ATP8A2: variants seen among roughly 807,000 people sequenced by gnomAD.
The protein encoded by ATP8A2 is phospholipid-transporting ATPase IB.
In ATP8A2, 100 loss-of-function variants were observed where a neutral mutation model predicts 165.6. That is an observed-to-expected ratio of 0.60 (90% CI 0.51 to 0.71). The LOEUF (loss-of-function observed/expected upper bound fraction) is 0.71. Among genes scored for constraint, ATP8A2 ranks in the 30% least tolerant of loss-of-function variants. The pLI is 0.00. For synonymous variants in ATP8A2, 543 were observed against 548.8 expected, an observed-to-expected ratio of 0.99 and a Z score of 0.15; for missense variants, 1,227 against 1,479.5, an observed-to-expected ratio of 0.83 and a Z score of 2.80.
chr13:25,753,930 T>C (rs2044207232), intron 25 of ATP8A2, among the ~76,000 whole-genome samples: 1 of 152,252 alleles, frequency 6.6e-6, no homozygotes, highest in South Asian at 2.1e-4. Flanking sequence ...TGTATGCTTT[T>C]CCTCTCCTTC....
intron 25 of ATP8A2, among the ~76,000 whole-genome samples, chr13:25,753,585 G>A (rs932590626): frequency 6.6e-6 from 1 of 152,178 alleles, no homozygotes; most frequent in Non-Finnish European, 1.5e-5. Context: ...CAGCAAACAT[G>A]GTGCTGGTAT....
chr13:25,790,537 G>A (rs1485825256), intron 27 of ATP8A2, among the ~76,000 whole-genome samples: 5 of 132,870 alleles, frequency 3.8e-5, no homozygotes, highest in African/African-American at 1.4e-4. Flanking sequence ...AAAAAAAAAA[G>A]TCCAAAAATT....
chr13:25,426,877 CAG>C lies in ATP8A2; in HGVS notation c.77-42097_77-42096del, dbSNP rs199874803. ...AGGAGAATCGACTGAATCTGGGAGG[CAG>C]AGGTTGCAATGAGCTGAGATCACTC... On this transcript the variant is annotated intron_variant, in intron 1 of 36. Transcript: ENST00000381655. 8.4e-3 allele frequency among the ~76,000 whole-genome samples: 1,283 copies of C among 152,226 alleles called. 20 individuals are homozygous for C. The highest frequency in any genetic ancestry group is 0.029 in the African/African-American group (1,188 of 41,530).
At chr13:25,566,270 G>C (rs1460674549) in intron 16 of ATP8A2, among the ~76,000 whole-genome samples, 1 of 150,612 alleles carries the variant, frequency 6.6e-6, no homozygotes, top group Non-Finnish European at 1.5e-5. Flanking sequence ...TTCAGTCACA[G>C]ACAGCTACAG....
At chr13:25,645,816 ACTTGT>A (rs997103949) in intron 24 of ATP8A2, among the ~76,000 whole-genome samples, 1 of 151,626 alleles carries the variant, frequency 6.6e-6, no homozygotes, top group Non-Finnish European at 1.5e-5. Context: ...ATTTTCTAAG[ACTTGT>A]CTTGTGGCCT....
chr13:25,808,677 C>T (rs889746172), intron 27 of ATP8A2, among the ~76,000 whole-genome samples: 1 of 151,956 alleles, frequency 6.6e-6, no homozygotes, highest in South Asian at 2.1e-4. Flanking sequence ...TGGGCTCAAC[C>T]TCCCACCTCA....
chr13:25,679,289 T>C (rs2042434508), intron 24 of ATP8A2, among the ~76,000 whole-genome samples: 1 of 152,272 alleles, frequency 6.6e-6, no homozygotes. Context: ...TAAAAAATGG[T>C]AACAGGACAT....
intron 24 of ATP8A2, among the ~76,000 whole-genome samples, chr13:25,642,908 TTGTA>T (rs2041569339): frequency 6.6e-6 from 1 of 152,186 alleles, no homozygotes; most frequent in African/African-American, 2.4e-5. Context: ...TTCATGTCCT[TTGTA>T]GGGACATGGA....
intron 2 of ATP8A2, among the ~76,000 whole-genome samples, chr13:25,524,235 T>C (rs991183241): frequency 6.6e-6 from 1 of 152,222 alleles, no homozygotes; most frequent in Non-Finnish European, 1.5e-5. Flanking sequence ...GTTGATATGA[T>C]TTCTAACTTT....
At chr13:25,985,132 C>A (rs1334112720) in intron 35 of ATP8A2, among the ~76,000 whole-genome samples, 1 of 152,136 alleles carries the variant, frequency 6.6e-6, no homozygotes, top group South Asian at 2.1e-4. Context: ...ACTGCTAATG[C>A]GGAGAACGTG....
chr13:25,943,314 T>C (rs568364069), intron 33 of ATP8A2, among the ~76,000 whole-genome samples: 71 of 152,316 alleles, frequency 4.7e-4, no homozygotes, highest in African/African-American at 1.6e-3. Flanking sequence ...ATGATTCTAG[T>C]CATGCACGAT....
chr13:25,961,751 G>A (rs1347235530), intron 34 of ATP8A2, 88 bp downstream of exon 34: 9 of 1,009,630 alleles, frequency 8.9e-6, no homozygotes, highest in Non-Finnish European at 1.4e-5. Context: ...CAGGGTATGA[G>A]AATGACAGGA....
intron 1 of ATP8A2, among the ~76,000 whole-genome samples, chr13:25,420,426 A>T (rs2034266583): frequency 2.0e-5 from 3 of 152,242 alleles, no homozygotes; most frequent in African/African-American, 7.2e-5. Context: ...CTCCCTGGTT[A>T]GCATTTTAAA....
intron 24 of ATP8A2, among the ~76,000 whole-genome samples, chr13:25,601,332 T>C (rs2040380135): frequency 6.6e-6 from 1 of 152,262 alleles, no homozygotes; most frequent in African/African-American, 2.4e-5. Flanking sequence ...ATAATATGCA[T>C]AGGCATAATG....
At chr13:25,736,671 T>C (rs2043776658) in intron 25 of ATP8A2, among the ~76,000 whole-genome samples, 1 of 152,164 alleles carries the variant, frequency 6.6e-6, no homozygotes, top group Admixed American at 6.5e-5. Context: ...GGACAGTACA[T>C]GAATGAATGA....
chr13:25,734,740 G>A (rs190894879), intron 25 of ATP8A2, among the ~76,000 whole-genome samples: 3 of 152,318 alleles, frequency 2.0e-5, no homozygotes, highest in Admixed American at 6.5e-5. Context: ...CCAGATTCAA[G>A]CGATTCTCCT....
rs550765034 is a variant in ATP8A2 at position 25,902,237 on chromosome 13, T to G, written c.3183+39829T>G. ...AAATGCAATTCCGGTCAGAAGACAT[T>G]GTCTACTTCGGAGTGATATGCTTAT... On this transcript the variant is annotated intron_variant, in intron 33 of 36. Transcript: ENST00000381655. Among the ~76,000 whole-genome samples the G allele has an allele frequency of 5.0e-4, 76 of 152,324 alleles. 1 individual carries two copies. The highest frequency in any genetic ancestry group is 1.7e-3 in the African/African-American group (71 of 41,572).
intron 25 of ATP8A2, among the ~76,000 whole-genome samples, chr13:25,764,939 G>T (rs2044460268): frequency 6.6e-6 from 1 of 152,146 alleles, no homozygotes; most frequent in African/African-American, 2.4e-5. Flanking sequence ...GCTTAGGTTT[G>T]TTCAGATGAT....
chr13:25,646,912 T>C (rs1256066369), intron 24 of ATP8A2, among the ~76,000 whole-genome samples: 1 of 152,184 alleles, frequency 6.6e-6, no homozygotes, highest in Non-Finnish European at 1.5e-5. Flanking sequence ...ATTTTTGCTT[T>C]GTAGTTACTA....
Sources: gnomAD v4.1 joint callset for allele counts (sites outside exome capture counted in the v4.1 genomes callset) on GRCh38, gnomAD v4.1.1 for gene constraint, MANE v1.5 for transcripts, NCBI Gene and HGNC (gene_info 2026-07-23, HGNC 2026-07-21) for gene names.